PKHD1L1: variants seen among roughly 807,000 people sequenced by gnomAD.
The protein encoded by PKHD1L1 is fibrocystin-L.
A neutral mutation model predicts 462.9 loss-of-function variants in PKHD1L1; 434 were observed. The ratio of observed to expected loss-of-function variants is 0.94; its 90% CI spans 0.87 to 1.02. The LOEUF (loss-of-function observed/expected upper bound fraction) is 1.02. PKHD1L1 is among the 50% of genes least tolerant of loss of function. The pLI is 0.00. For synonymous variants in PKHD1L1, 1,781 were observed against 1,750.0 expected, an observed-to-expected ratio of 1.02 and a Z score of -0.44; for missense variants, 5,202 against 5,096.1, an observed-to-expected ratio of 1.02 and a Z score of -0.63.
At chr8:109,457,032 A>C (rs1816864537) in intron 46 of PKHD1L1, among the ~76,000 whole-genome samples, 1 of 152,156 alleles carries the variant, frequency 6.6e-6, no homozygotes, top group Admixed American at 6.6e-5. Flanking sequence ...AAAGAAAGAA[A>C]ATTAACATAA....
At chr8:109,380,923 C>T (rs909115858) in intron 2 of PKHD1L1, among the ~76,000 whole-genome samples, 2 of 152,120 alleles carry the variant, frequency 1.3e-5, no homozygotes, top group Admixed American at 6.5e-5. Context: ...TGGTACTTAT[C>T]ACCTCCAGAT....
chr8:109,418,340 A>G lies in PKHD1L1; in HGVS notation c.2361-757A>G, dbSNP rs375051327. ...CTTTGATGAGCTAGAGGTGGATCCCATGATGAGTTTATGAACCCTGAAGAA... is the reference window on the plus strand; with the variant it reads ...CTTTGATGAGCTAGAGGTGGATCCCGTGATGAGTTTATGAACCCTGAAGAA... On this transcript the variant is annotated intron_variant, in intron 21 of 77. Transcript: ENST00000378402. Among the ~76,000 whole-genome samples, 8 of 152,320 alleles carry G rather than the reference A, an allele frequency of 5.3e-5. No individual in the cohort carries two copies. In the South Asian group the frequency reaches 8.3e-4, roughly 16 times the overall value.
chr8:109,390,942 C>T (rs1812683048), intron 9 of PKHD1L1, among the ~76,000 whole-genome samples: 1 of 152,028 alleles, frequency 6.6e-6, no homozygotes, highest in Non-Finnish European at 1.5e-5. Flanking sequence ...TTCATCTTAA[C>T]AGCAATATTA....
Position 109,376,471 on chromosome 8 carries a change from G to T in PKHD1L1, c.164-4899G>T, listed in dbSNP as rs573991539. 1.3e-4 allele frequency among the ~76,000 whole-genome samples: 20 copies of T among 152,306 alleles called. No homozygotes were observed. In the South Asian group the frequency reaches 3.5e-3, roughly 27 times the overall value. On this transcript the variant is annotated intron_variant, in intron 2 of 77. Coordinates refer to ENST00000378402, the MANE Select transcript of PKHD1L1 (RefSeq NM_177531.6). ...CCCGGGTGAGGTGATGCCTCGCCCT[G>T]CTTCGGCTCACTCACAGTGCGCTGC... is the stretch of plus-strand genomic sequence containing the variant.
chr8:109,470,356 T>C (rs1333869820), intron 50 of PKHD1L1: 11 of 1,549,254 alleles, frequency 7.1e-6, no homozygotes, highest in Non-Finnish European at 9.8e-6. Context: ...AGTTAACCAT[T>C]ACTATGAACC....
chr8:109,452,724 G>A lies in PKHD1L1; in HGVS notation c.6514G>A (p.Ala2172Thr). 3 of 1,527,778 alleles carry A rather than the reference G, an allele frequency of 2.0e-6. No individual in the cohort carries two copies. Among genetic ancestry groups the A allele is most frequent in the East Asian group, 2.5e-5 (1 of 40,618 alleles). 94.6% of individuals were successfully genotyped at this position (1,527,778 alleles called of 1,614,324 possible). ...CTCTTATGTTCTATTACAGGATAAT[G>A]CTGACTTTCTTTATGTTGATGCCTG... ...RGVGMAKLDN[A>T]DFLYVDAWSS... The change falls in exon 43 of 78, where the codon GCT becomes ACT. Residue 2172 changes from alanine to threonine, a missense_variant. Coordinates refer to ENST00000378402, the MANE Select transcript of PKHD1L1 (RefSeq NM_177531.6).
chr8:109,389,369 C>A (rs932690633), intron 8 of PKHD1L1, among the ~76,000 whole-genome samples: 6 of 151,990 alleles, frequency 3.9e-5, no homozygotes, highest in African/African-American at 1.4e-4. Context: ...TAAACTTCCT[C>A]AGGTTTCTCT....
In PKHD1L1 at chr8:109,497,195, G is replaced by A. The variant is rs1334575145; in HGVS notation, c.10522G>A (p.Gly3508Arg). 3.7e-6 allele frequency: 6 copies of A among 1,613,534 alleles called. No homozygotes were observed. The highest frequency in any genetic ancestry group is 4.2e-6 in the Non-Finnish European group (5 of 1,179,772). ...TTATAATGTGACCCTGGTTGACAAT[G>A]GAATGGCCATTTTTCCAATGATTTA... The part of the protein sequence containing the change: ...HIYNVTLVDN[G>R]MAIFPMIYMP... The change falls in exon 65 of 78, where the codon GGA becomes AGA. Residue 3508 changes from glycine to arginine, a missense_variant. Physicochemically the swap from Gly to Arg is moderately radical, Grantham distance 125 (BLOSUM62 -2). Around this residue, in one of 3 missense-constraint regions of PKHD1L1, gnomAD observed 4,497 missense variants for 4,336.8 expected, o/e 1.04. Coordinates refer to ENST00000378402, the MANE Select transcript of PKHD1L1 (RefSeq NM_177531.6).
chr8:109,387,081 A>C (rs905415076), intron 6 of PKHD1L1, among the ~76,000 whole-genome samples: 1 of 152,152 alleles, frequency 6.6e-6, no homozygotes, highest in African/African-American at 2.4e-5. Context: ...TTATGATACC[A>C]GGGCTCCCAA....
At chr8:109,371,428 C>A (rs1049415987) in intron 2 of PKHD1L1, among the ~76,000 whole-genome samples, 5 of 150,616 alleles carry the variant, frequency 3.3e-5, no homozygotes, top group African/African-American at 4.9e-5. Context: ...GAGTAGGTTG[C>A]GAAAATTTTC....
chr8:109,382,229 C>T (rs1377795710), intron 3 of PKHD1L1, among the ~76,000 whole-genome samples: 1 of 152,048 alleles, frequency 6.6e-6, no homozygotes, highest in Non-Finnish European at 1.5e-5. Context: ...TACCAATGTG[C>T]ACAGTCGGAA....
In PKHD1L1 at chr8:109,470,347, G is replaced by A. The variant is rs1403409161; in HGVS notation, c.8605+3578G>A. On this transcript the variant is annotated intron_variant, in intron 50 of 77. Transcript: ENST00000378402. ...TAACTTAGTTTGGAGAGAGAGTGAAGTTAACCATTACTATGAACCCAAGCT... is the reference window on the plus strand; with the variant it reads ...TAACTTAGTTTGGAGAGAGAGTGAAATTAACCATTACTATGAACCCAAGCT... 46 of 1,542,110 alleles carry A rather than the reference G, an allele frequency of 3.0e-5. No individual in the cohort carries two copies. The Admixed American group carries it at 7.7e-4, about 26-fold the overall frequency.
chr8:109,481,019 T>C (rs974816474), intron 55 of PKHD1L1, among the ~76,000 whole-genome samples: 3 of 151,978 alleles, frequency 2.0e-5, no homozygotes, highest in Non-Finnish European at 1.5e-5. Flanking sequence ...TTACACATTA[T>C]GCATGATGGA....
intron 36 of PKHD1L1, 72 bp downstream of exon 36, chr8:109,443,188 A>G (rs1815913147): frequency 6.9e-7 from 1 of 1,449,086 alleles, no homozygotes; most frequent in Admixed American, 1.7e-5. Context: ...TGGAGCCGGT[A>G]GCAGATAACT....
intron 67 of PKHD1L1, among the ~76,000 whole-genome samples, chr8:109,503,339 C>T (rs1381854373): frequency 6.6e-6 from 1 of 151,790 alleles, no homozygotes; most frequent in East Asian, 1.9e-4. Flanking sequence ...AAGACCGCAG[C>T]TATGGGTGGT....
intron 35 of PKHD1L1, 106 bp downstream of exon 35, chr8:109,442,301 A>AAAATGT: frequency 9.2e-7 from 1 of 1,089,082 alleles, no homozygotes; most frequent in Non-Finnish European, 1.3e-6. Context: ...AATAATATAC[A>AAAATGT]CAAATGCGTA....
In PKHD1L1 at chr8:109,464,827, A is replaced by AG. The variant is rs1563575007; in HGVS notation, c.7997dup (p.Ala2667CysfsTer6). 1.9e-6 allele frequency: 3 copies of AG among 1,613,796 alleles called. No individual in the cohort carries two copies. Among genetic ancestry groups the AG allele is most frequent in the Non-Finnish European group, 2.5e-6 (3 of 1,179,796 alleles). On this transcript the variant is annotated frameshift_variant, in exon 49 of 78. Coordinates refer to ENST00000378402, the MANE Select transcript of PKHD1L1 (RefSeq NM_177531.6). LOFTEE classifies it high-confidence loss of function. The stretch of plus-strand genomic sequence containing the variant: ...AAAAAGGAGCTGAATGGGTCAATGG[A>AG]GGTGCCCTTCAGTTCCATAACTTTG...
rs375441258 is a variant in PKHD1L1, at chr8:109,404,726, T to G, written c.1533+13T>G. On this transcript the variant is annotated intron_variant, in intron 15 of 77. Transcript: ENST00000378402. ...CCAGGAAGTACAGGTTTGCTATGAT[T>G]GCAGTTCCTCTTACAGAAAGTAAAT... 2 of 1,583,720 alleles carry G rather than the reference T, an allele frequency of 1.3e-6. No homozygotes were observed. Among genetic ancestry groups the G allele is most frequent in the Non-Finnish European group, 8.6e-7 (1 of 1,166,354 alleles).
intron 68 of PKHD1L1, among the ~76,000 whole-genome samples, chr8:109,505,642 T>C (rs1017820290): frequency 2.6e-5 from 4 of 152,204 alleles, no homozygotes; most frequent in Admixed American, 6.5e-5. Context: ...CTAGTGCCTG[T>C]AATCTCAGAA....
Sources: allele counts gnomAD v4.1 joint callset (sites outside exome capture counted in the v4.1 genomes callset), GRCh38; gene constraint gnomAD v4.1.1; regional missense constraint gnomAD v4.1.1; transcripts MANE v1.5; gene names NCBI Gene and HGNC (gene_info 2026-07-23, HGNC 2026-07-21).